The following DCLK1 variants were observed in gnomAD, a reference collection of about 807,000 sequenced individuals.
DCLK1 encodes doublecortin like kinase 1.
Under a neutral mutation model 86.2 loss-of-function variants are expected in DCLK1, and 16 were observed. The ratio of observed to expected loss-of-function variants is 0.19; its 90% CI spans 0.13 to 0.28. The LOEUF (loss-of-function observed/expected upper bound fraction) is 0.28. Among genes scored for constraint, DCLK1 ranks in the 10% least tolerant of loss-of-function variants. The pLI is 1.00. For missense variants in DCLK1, 590 were observed against 940.2 expected (o/e 0.63, Z 4.87); for synonymous variants, 369 against 370.5 (o/e 1.00, Z 0.05).
intron 4 of DCLK1, among the ~76,000 whole-genome samples, chr13:35,919,438 T>C (rs1306913089): frequency 6.6e-6 from 1 of 152,078 alleles, no homozygotes; most frequent in Non-Finnish European, 1.5e-5. Flanking sequence ...CAGGGGATTG[T>C]TTCTTAAATC....
At chr13:36,045,361 T>G (rs1233114578) in intron 3 of DCLK1, among the ~76,000 whole-genome samples, 1 of 129,816 alleles carries the variant, frequency 7.7e-6, no homozygotes, top group Admixed American at 8.0e-5. Flanking sequence ...TATATATATA[T>G]ATATATATAT....
intron 3 of DCLK1, among the ~76,000 whole-genome samples, chr13:36,079,844 C>A (rs1424806327): frequency 6.6e-6 from 1 of 152,178 alleles, no homozygotes; most frequent in East Asian, 1.9e-4. Flanking sequence ...ACTTGTGATG[C>A]TGCACATAGA....
rs1408136860 is a variant in DCLK1 at position 35,773,107 on chromosome 13, T to A, written c.*1428A>T. 6.6e-6 allele frequency: 1 copy of A among 152,306 alleles called. No individual in the cohort carries two copies. Among genetic ancestry groups the A allele is most frequent in the Non-Finnish European group, 1.5e-5 (1 of 68,034 alleles). The allele number at this position is 152,306 out of a possible 1,614,324, so 9.4% of individuals were successfully genotyped here. A position where few individuals can be genotyped will look rare whatever the true frequency, so the allele number is the denominator to read the frequency against. On this transcript the variant is annotated 3_prime_UTR_variant, in exon 17 of 17. Coordinates refer to ENST00000360631, the MANE Select transcript of DCLK1 (RefSeq NM_001330071.2). ...GGAGAATCCTCTCTGAGCACTGTGG[T>A]GATGCACAGAACCTGTGAATCCCCA...
In DCLK1 at chr13:36,045,368, A is replaced by ATCTATCTATATATC. The variant is rs1555358861; in HGVS notation, c.723+66500_723+66501insGATATATAGATAGA. On this transcript the variant is annotated intron_variant, in intron 3 of 16. Coordinates refer to ENST00000360631, the MANE Select transcript of DCLK1 (RefSeq NM_001330071.2). ...TATATATATATATATATATATATAT[A>ATCTATCTATATATC]TATATATATTTCAAGGTAAATTGCT... 1.8e-4 allele frequency among the ~76,000 whole-genome samples: 17 copies of ATCTATCTATATATC among 94,922 alleles called. 2 individuals are homozygous for ATCTATCTATATATC. The East Asian group carries it at 4.1e-3, about 23-fold the overall frequency. The allele number at this position is 94,922 out of a possible 152,430, so 62.3% of individuals were successfully genotyped here.
In DCLK1 at chr13:36,105,446, G is replaced by A. The variant is rs951814342; in HGVS notation, c.723+6423C>T. 2.0e-5 allele frequency among the ~76,000 whole-genome samples: 3 copies of A among 152,156 alleles called. No individual in the cohort carries two copies. In the East Asian group the frequency reaches 5.8e-4, roughly 29 times the overall value. On this transcript the variant is annotated intron_variant, in intron 3 of 16. Coordinates refer to ENST00000360631, the MANE Select transcript of DCLK1 (RefSeq NM_001330071.2). The stretch of plus-strand genomic sequence containing the variant: ...GTCCTCATGACAACTTATAGAGCAG[G>A]CATTATTATCATTATTATTATTCAC...
chr13:35,997,821 A>AC (rs1880537274), intron 3 of DCLK1, among the ~76,000 whole-genome samples: 1 of 152,234 alleles, frequency 6.6e-6, no homozygotes, highest in African/African-American at 2.4e-5. Flanking sequence ...TGTTTTGACT[A>AC]ACCAGAATGC....
chr13:35,855,591 A>G, intron 5 of DCLK1: 1 of 1,567,078 alleles, frequency 6.4e-7, no homozygotes, highest in Non-Finnish European at 8.7e-7. Flanking sequence ...CACTAAGCCA[A>G]GCACCCGCGG....
intron 4 of DCLK1, among the ~76,000 whole-genome samples, chr13:35,918,375 A>T (rs1414725840): frequency 6.6e-6 from 1 of 152,112 alleles, no homozygotes; most frequent in Admixed American, 6.5e-5. Context: ...AACGTGGAGG[A>T]GTGGGGAGTT....
intron 4 of DCLK1, among the ~76,000 whole-genome samples, chr13:35,881,488 T>G (rs567820542): frequency 6.6e-6 from 1 of 152,184 alleles, no homozygotes; most frequent in Non-Finnish European, 1.5e-5. Flanking sequence ...CCTGCCAAAA[T>G]GCAGATGATG....
At chr13:35,898,290 G>C (rs1874121305) in intron 4 of DCLK1, among the ~76,000 whole-genome samples, 1 of 152,162 alleles carries the variant, frequency 6.6e-6, no homozygotes, top group Admixed American at 6.5e-5. Flanking sequence ...AAACACTTAA[G>C]TGTCCTAGCC....
At chr13:35,890,655 C>CTG (rs1201223154) in intron 4 of DCLK1, among the ~76,000 whole-genome samples, 1 of 152,110 alleles carries the variant, frequency 6.6e-6, no homozygotes, top group East Asian at 1.9e-4. Flanking sequence ...CAGATGGATG[C>CTG]TGTCTGGCAC....
chr13:36,034,776 G>C (rs1882423562), intron 3 of DCLK1, among the ~76,000 whole-genome samples: 1 of 152,044 alleles, frequency 6.6e-6, no homozygotes, highest in Admixed American at 6.6e-5. Flanking sequence ...GCTACCAACA[G>C]TTTAACCACC....
intron 3 of DCLK1, among the ~76,000 whole-genome samples, chr13:36,070,941 G>A (rs778766859): frequency 1.3e-5 from 2 of 152,022 alleles, no homozygotes; most frequent in South Asian, 2.1e-4. Context: ...CACCGCGCCC[G>A]GCCCCCATCT....
intron 4 of DCLK1, among the ~76,000 whole-genome samples, chr13:35,904,096 A>AT (rs1320116352): frequency 6.6e-6 from 1 of 152,094 alleles, no homozygotes; most frequent in African/African-American, 2.4e-5. Context: ...CAGAGGGGGT[A>AT]GTACAAAGAG....
At chr13:35,968,855 C>A (rs1182794250) in intron 3 of DCLK1, among the ~76,000 whole-genome samples, 1 of 152,190 alleles carries the variant, frequency 6.6e-6, no homozygotes, top group Admixed American at 6.5e-5. Flanking sequence ...GGCCTTTGAG[C>A]ACAAACTGAA....
At chr13:36,103,779 G>A (rs1472069713) in intron 3 of DCLK1, among the ~76,000 whole-genome samples, 1 of 152,090 alleles carries the variant, frequency 6.6e-6, no homozygotes, top group Non-Finnish European at 1.5e-5. Flanking sequence ...AATACTGCAG[G>A]TTTGTGTCTC....
chr13:35,888,336 T>C (rs564076517), intron 4 of DCLK1, among the ~76,000 whole-genome samples: 1 of 152,234 alleles, frequency 6.6e-6, no homozygotes, highest in Non-Finnish European at 1.5e-5. Flanking sequence ...TCTGGGTACA[T>C]GTGATTAATC....
chr13:36,056,652 GCA>G (rs201214841), intron 3 of DCLK1, among the ~76,000 whole-genome samples: 6 of 121,576 alleles, frequency 4.9e-5, no homozygotes, highest in African/African-American at 2.4e-4. Flanking sequence ...AAATTCCAGA[GCA>G]CACAAAAAAA....
intron 7 of DCLK1, among the ~76,000 whole-genome samples, chr13:35,838,064 T>TTAAAAAAAAAAAAAA (rs2069511633): frequency 1.2e-5 from 1 of 80,610 alleles, no homozygotes; most frequent in Non-Finnish European, 2.4e-5. Flanking sequence ...AGACTCCATC[T>TTAAAAAAAAAAAAAA]CAAAAAAAAA....
Sources: gnomAD v4.1 joint callset for allele counts (sites outside exome capture counted in the v4.1 genomes callset) on GRCh38, gnomAD v4.1.1 for gene constraint, MANE v1.5 for transcripts, NCBI Gene and HGNC (gene_info 2026-07-23, HGNC 2026-07-21) for gene names.